Variants in KCND2 observed in about 807,000 individuals in gnomAD.
KCND2 encodes potassium voltage-gated channel subfamily D member 2, also known as A-type voltage-gated potassium channel KCND2.
A neutral mutation model predicts 54.4 loss-of-function variants in KCND2; 16 were observed. That is an observed-to-expected ratio of 0.29 (90% CI 0.20 to 0.45). The LOEUF (loss-of-function observed/expected upper bound fraction) is 0.45, where lower values mean the gene tolerates loss of function less well. Among genes scored for constraint, KCND2 ranks in the 20% least tolerant of loss-of-function variants. The probability of loss-of-function intolerance (pLI) is 1.00; values close to 1 mark genes in which losing one functional copy is unlikely to be tolerated. For missense variants in KCND2, 486 were observed against 824.2 expected (o/e 0.59, Z 5.02); for synonymous variants, 317 against 310.7 (o/e 1.02, Z -0.21).
chr7:120,508,588 T>TACCTTTC (rs1384837213), intron 1 of KCND2, among the ~76,000 whole-genome samples: 1 of 152,020 alleles, frequency 6.6e-6, no homozygotes, highest in Non-Finnish European at 1.5e-5. Flanking sequence ...ATTGCTCTAG[T>TACCTTTC]ACCTTTCACT....
chr7:120,582,692 A>T (rs1454224211), intron 1 of KCND2, among the ~76,000 whole-genome samples: 1 of 152,192 alleles, frequency 6.6e-6, no homozygotes, highest in East Asian at 1.9e-4. Flanking sequence ...TTATAAAAAA[A>T]TATATTCTAA....
At position 120,399,642 on chromosome 7, in the gene KCND2, C is replaced by T. The variant is rs1001980761; in HGVS notation, c.1115+123895C>T. ...TTGTTTTTTATAATGTTATTCTTCA[C>T]GTAATAATTTTCATATATATTTATC... On this transcript the variant is annotated intron_variant, in intron 1 of 5. Coordinates refer to ENST00000331113, the MANE Select transcript of KCND2 (RefSeq NM_012281.3). Among the ~76,000 whole-genome samples, 8 of 151,850 alleles carry T rather than the reference C, an allele frequency of 5.3e-5. No individual in the cohort carries two copies. The East Asian group carries it at 5.8e-4, about 11-fold the overall frequency.
Position 120,625,398 on chromosome 7 carries a change from T to C in KCND2, c.1116-107505T>C, listed in dbSNP as rs182184921. Among the ~76,000 whole-genome samples the C allele has an allele frequency of 3.3e-3, 505 of 152,324 alleles. 17 individuals are homozygous for C. Among genetic ancestry groups the C allele is most frequent in the Admixed American group, 0.03 (464 of 15,302 alleles). On this transcript the variant is annotated intron_variant, in intron 1 of 5. Coordinates refer to ENST00000331113, the MANE Select transcript of KCND2 (RefSeq NM_012281.3). The stretch of plus-strand genomic sequence containing the variant: ...AAAAATATTATCTACTATCATATAA[T>C]TTTAACTTTAATTCAAATGCAAAAT...
intron 1 of KCND2, among the ~76,000 whole-genome samples, chr7:120,374,829 C>G (rs1178803609): frequency 5.3e-5 from 8 of 151,830 alleles, no homozygotes. Flanking sequence ...CCTTCACCCA[C>G]GCTGCTAGAT....
chr7:120,637,157 G>A (rs1000034075), intron 1 of KCND2, among the ~76,000 whole-genome samples: 2 of 152,072 alleles, frequency 1.3e-5, no homozygotes, highest in African/African-American at 4.8e-5. Flanking sequence ...AAAAAAGTTT[G>A]CTAAATTTTG....
chr7:120,506,586 AT>A (rs1196141106), intron 1 of KCND2, among the ~76,000 whole-genome samples: 4 of 151,936 alleles, frequency 2.6e-5, no homozygotes, highest in East Asian at 1.9e-4. Flanking sequence ...ATTTATTTTC[AT>A]TTCAGTCTAT....
At chr7:120,450,498 A>C (rs1241468727) in intron 1 of KCND2, among the ~76,000 whole-genome samples, 1 of 152,132 alleles carries the variant, frequency 6.6e-6, no homozygotes, top group Non-Finnish European at 1.5e-5. Context: ...GCCTCAGGAA[A>C]ACTAGCAGAG....
In KCND2 at chr7:120,406,260, T is replaced by G. The variant is rs150801741; in HGVS notation, c.1115+130513T>G. On this transcript the variant is annotated intron_variant, in intron 1 of 5. Coordinates refer to ENST00000331113, the MANE Select transcript of KCND2 (RefSeq NM_012281.3). ...TCAAATAAAATTCAAAGTGGTGTAT[T>G]TAAAATACACACTTTTCTTCTAGTA... Among the ~76,000 whole-genome samples the G allele has an allele frequency of 3.6e-3, 545 of 152,134 alleles. 2 individuals carry two copies. The highest frequency in any genetic ancestry group is 0.012 in the African/African-American group (497 of 41,560).
At chr7:120,460,636 A>G (rs919420958) in intron 1 of KCND2, among the ~76,000 whole-genome samples, 80 of 151,212 alleles carry the variant, frequency 5.3e-4, no homozygotes, top group African/African-American at 1.8e-3. Context: ...ATTTATTTCG[A>G]ACCTGTTTAG....
rs2116468090 is a variant in KCND2 at position 120,597,778 on chromosome 7, C to A, written c.1116-135125C>A. On this transcript the variant is annotated intron_variant, in intron 1 of 5. Transcript: ENST00000331113. ...TATTCTCTTTGTTTTAAATTGTATG[C>A]AGAAGAAGGCTATTTGGGTAATATA... is the stretch of plus-strand genomic sequence containing the variant. 2.0e-5 allele frequency among the ~76,000 whole-genome samples: 3 copies of A among 152,164 alleles called. No individual in the cohort carries two copies. In the Middle Eastern group the frequency reaches 0.01, roughly 518 times the overall value.
At chr7:120,421,879 G>A (rs756736429) in intron 1 of KCND2, among the ~76,000 whole-genome samples, 3 of 152,160 alleles carry the variant, frequency 2.0e-5, no homozygotes, top group African/African-American at 4.8e-5. Context: ...AAAGAAAAGT[G>A]TTCGGAGCTG....
At chr7:120,465,901 C>A (rs1445007339) in intron 1 of KCND2, among the ~76,000 whole-genome samples, 1 of 152,102 alleles carries the variant, frequency 6.6e-6, no homozygotes, top group African/African-American at 2.4e-5. Flanking sequence ...GTGGAGACTA[C>A]TGTTTCCTTA....
At chr7:120,340,952 A>G (rs1167892207) in intron 1 of KCND2, among the ~76,000 whole-genome samples, 1 of 152,224 alleles carries the variant, frequency 6.6e-6, no homozygotes, top group Non-Finnish European at 1.5e-5. Flanking sequence ...TAAGGAAAAA[A>G]TAGTGACGCA....
intron 1 of KCND2, among the ~76,000 whole-genome samples, chr7:120,693,040 G>T (rs1330843475): frequency 6.6e-6 from 1 of 152,120 alleles, no homozygotes; most frequent in African/African-American, 2.4e-5. Flanking sequence ...AGCCAATGAA[G>T]CATAAAATAG....
chr7:120,733,098 G>T, intron 2 of KCND2, 33 bp downstream of exon 2: 1 of 1,609,538 alleles, frequency 6.2e-7, no homozygotes, highest in Non-Finnish European at 8.5e-7. Context: ...CCATGGTTTA[G>T]CACTTCCCAC....
At position 120,576,054 on chromosome 7, in the gene KCND2, G is replaced by A. The variant is rs1431140392; in HGVS notation, c.1116-156849G>A. 1.3e-4 allele frequency among the ~76,000 whole-genome samples: 17 copies of A among 129,936 alleles called. 1 individual carries two copies. The highest frequency in any genetic ancestry group is 1.2e-3 in the Admixed American group (16 of 12,828). The allele number at this position is 129,936 out of a possible 152,430, so 85.2% of individuals were successfully genotyped here. On this transcript the variant is annotated intron_variant, in intron 1 of 5. Transcript: ENST00000331113. ...TGCCATTGCTGGTTTTGAGTGTTAT[G>A]CATATTGTGGATATAGAAAAAATTA...
chr7:120,704,900 A>G (rs1172040717), intron 1 of KCND2, among the ~76,000 whole-genome samples: 1 of 152,214 alleles, frequency 6.6e-6, no homozygotes, highest in African/African-American at 2.4e-5. Context: ...AGCAAGTATT[A>G]CTATCTTTCT....
chr7:120,493,198 G>T (rs201028534), intron 1 of KCND2, among the ~76,000 whole-genome samples: 1 of 150,454 alleles, frequency 6.6e-6, no homozygotes, highest in East Asian at 1.9e-4. Context: ...TAGATAAATA[G>T]ATCTATATCA....
At chr7:120,629,024 A>C (rs1286759802) in intron 1 of KCND2, among the ~76,000 whole-genome samples, 4 of 152,206 alleles carry the variant, frequency 2.6e-5, no homozygotes, top group Non-Finnish European at 4.4e-5. Context: ...AAAATGTACG[A>C]GGTAAGGGGT....
Sources: gnomAD v4.1 joint callset for allele counts (sites outside exome capture counted in the v4.1 genomes callset) on GRCh38, gnomAD v4.1.1 for gene constraint, MANE v1.5 for transcripts, NCBI Gene and HGNC (gene_info 2026-07-23, HGNC 2026-07-21) for gene names.